RCAN2: variants seen among roughly 807,000 people sequenced by gnomAD.
RCAN2 encodes regulator of calcineurin 2.
In RCAN2, 9 loss-of-function variants were observed where a neutral mutation model predicts 23.6. That is an observed-to-expected ratio of 0.38 (90% CI 0.23 to 0.67). RCAN2 has a LOEUF of 0.67. RCAN2 is among the 30% of genes least tolerant of loss of function. The probability of loss-of-function intolerance (pLI) is 0.51; values close to 1 mark genes in which losing one functional copy is unlikely to be tolerated. For synonymous variants in RCAN2, 109 were observed against 115.7 expected, an observed-to-expected ratio of 0.94 and a Z score of 0.37; for missense variants, 273 against 302.3, an observed-to-expected ratio of 0.90 and a Z score of 0.72.
chr6:46,480,578 C>T (rs1768833240), intron 1 of RCAN2, among the ~76,000 whole-genome samples: 1 of 152,082 alleles, frequency 6.6e-6, no homozygotes, highest in African/African-American at 2.4e-5. Context: ...AAAAAAGAAA[C>T]CTATTCACCC....
chr6:46,298,575 C>T (rs190551280), intron 2 of RCAN2, among the ~76,000 whole-genome samples: 24 of 152,206 alleles, frequency 1.6e-4, no homozygotes, highest in African/African-American at 5.5e-4. Context: ...TTCTCCCTCA[C>T]TTTGGTAGAT....
intron 2 of RCAN2, among the ~76,000 whole-genome samples, chr6:46,429,832 G>A (rs1000625503): frequency 1.3e-5 from 2 of 152,204 alleles, no homozygotes; most frequent in African/African-American, 4.8e-5. Flanking sequence ...AGGAACTAAC[G>A]AGGTCTTGCA....
At chr6:46,351,071 A>G (rs562515742) in intron 2 of RCAN2, among the ~76,000 whole-genome samples, 1 of 152,344 alleles carries the variant, frequency 6.6e-6, no homozygotes, top group Non-Finnish European at 1.5e-5. Flanking sequence ...TAGTCTAGCT[A>G]TTATCATTAT....
intron 2 of RCAN2, among the ~76,000 whole-genome samples, chr6:46,313,330 G>A (rs1763325485): frequency 6.6e-6 from 1 of 152,140 alleles, no homozygotes; most frequent in African/African-American, 2.4e-5. Flanking sequence ...ACTCACTGAG[G>A]GCAGGAGGCA....
At chr6:46,231,078 T>C (rs1299553708) in intron 4 of RCAN2, among the ~76,000 whole-genome samples, 1 of 152,206 alleles carries the variant, frequency 6.6e-6, no homozygotes, top group East Asian at 1.9e-4. Flanking sequence ...TAACCTCTAG[T>C]AGCTGTGAAA....
chr6:46,361,217 A>C (rs1765002984), intron 2 of RCAN2, among the ~76,000 whole-genome samples: 1 of 152,170 alleles, frequency 6.6e-6, no homozygotes, highest in African/African-American at 2.4e-5. Context: ...TCCTGGGGGA[A>C]GGGTGAGAGA....
At chr6:46,432,321 C>T (rs1767234083) in intron 2 of RCAN2, among the ~76,000 whole-genome samples, 1 of 152,094 alleles carries the variant, frequency 6.6e-6, no homozygotes, top group African/African-American at 2.4e-5. Context: ...TCAAGCAATT[C>T]TCTTGCCTCA....
At chr6:46,373,480 C>T (rs1765375467) in intron 2 of RCAN2, among the ~76,000 whole-genome samples, 2 of 152,232 alleles carry the variant, frequency 1.3e-5, no homozygotes, top group Admixed American at 1.3e-4. Context: ...TGGTCTCAAA[C>T]TCCTGGGCAC....
chr6:46,247,279 A>G (rs1039545680), intron 3 of RCAN2, among the ~76,000 whole-genome samples: 1 of 152,078 alleles, frequency 6.6e-6, no homozygotes, highest in African/African-American at 2.4e-5. Flanking sequence ...CCCACCACGC[A>G]CCTGCCAAAT....
At chr6:46,282,351 C>G (rs1370807241) in intron 2 of RCAN2, among the ~76,000 whole-genome samples, 2 of 151,532 alleles carry the variant, frequency 1.3e-5, no homozygotes, top group Non-Finnish European at 2.9e-5. Flanking sequence ...CGAGACCATC[C>G]TGGCTAACAC....
At position 46,261,676 on chromosome 6, in the gene RCAN2, A is replaced by G. The variant is rs578243304; in HGVS notation, c.226-12780T>C. Among the ~76,000 whole-genome samples, 9 of 152,316 alleles carry G rather than the reference A, an allele frequency of 5.9e-5. 1 individual carries two copies. In the East Asian group the frequency reaches 1.5e-3, roughly 26 times the overall value. On this transcript the variant is annotated intron_variant, in intron 2 of 4. Coordinates refer to ENST00000371374, the MANE Select transcript of RCAN2 (RefSeq NM_001251974.2). The stretch of plus-strand genomic sequence containing the variant: ...TATATAATCTTCAAAGATTGTAAAG[A>G]CCAATTATAGGAATGTCAGCAAAAT...
intron 2 of RCAN2, among the ~76,000 whole-genome samples, chr6:46,266,389 AT>A (rs1199429018): frequency 2.6e-5 from 4 of 152,096 alleles, no homozygotes; most frequent in African/African-American, 9.7e-5. Context: ...CACGTTCTTT[AT>A]TTTGACTGAG....
At chr6:46,224,429 T>G (rs192224271) in intron 4 of RCAN2, among the ~76,000 whole-genome samples, 9 of 152,356 alleles carry the variant, frequency 5.9e-5, no homozygotes, top group African/African-American at 1.2e-4. Flanking sequence ...CAGAAGACCC[T>G]GCGTAATCTC....
At position 46,225,130 on chromosome 6, in the gene RCAN2, G is replaced by C. The variant is rs975336906; in HGVS notation, c.572-1829C>G. Among the ~76,000 whole-genome samples, 140 of 152,164 alleles carry C rather than the reference G, an allele frequency of 9.2e-4. 1 individual carries two copies. Among genetic ancestry groups the C allele is most frequent in the African/African-American group, 3.3e-3 (135 of 41,436 alleles). ...CATGAACTCATCCTTTTTTATGGCT[G>C]CATAGTATTCCATGGTGCATATGTG... On this transcript the variant is annotated intron_variant, in intron 4 of 4. Coordinates refer to ENST00000371374, the MANE Select transcript of RCAN2 (RefSeq NM_001251974.2).
intron 2 of RCAN2, among the ~76,000 whole-genome samples, chr6:46,397,261 C>T (rs1356772616): frequency 6.6e-6 from 1 of 151,828 alleles, no homozygotes; most frequent in East Asian, 1.9e-4. Flanking sequence ...GTGGTAACTA[C>T]AAAGGGGGGT....
chr6:46,391,310 A>C (rs141762597), intron 2 of RCAN2, among the ~76,000 whole-genome samples: 1 of 152,314 alleles, frequency 6.6e-6, no homozygotes, highest in South Asian at 2.1e-4. Flanking sequence ...GAAGATTGAG[A>C]TCATGAAAGC....
At position 46,406,667 on chromosome 6, in the gene RCAN2, G is replaced by T. The variant is rs910369137; in HGVS notation, c.225+50085C>A. Among the ~76,000 whole-genome samples, 7 of 152,148 alleles carry T rather than the reference G, an allele frequency of 4.6e-5. No individual in the cohort carries two copies. In the South Asian group the frequency reaches 1.5e-3, roughly 32 times the overall value. ...AACAGGTTTCAATGTTCTTCTTTTA[G>T]AAAAGCCTTTGCTTTACCATAAATT... On this transcript the variant is annotated intron_variant, in intron 2 of 4. Coordinates refer to ENST00000371374, the MANE Select transcript of RCAN2 (RefSeq NM_001251974.2).
intron 2 of RCAN2, among the ~76,000 whole-genome samples, chr6:46,375,125 A>G (rs9766804): frequency 0.02 from 3,114 of 152,246 alleles, 61 homozygotes; most frequent in South Asian, 0.12. Context: ...CTGTATGTTT[A>G]GTAGAGACGG....
At chr6:46,402,866 A>G (rs1766292129) in intron 2 of RCAN2, among the ~76,000 whole-genome samples, 1 of 152,280 alleles carries the variant, frequency 6.6e-6, no homozygotes, top group Non-Finnish European at 1.5e-5. Flanking sequence ...CTTTCTCTCC[A>G]ATTAATCTGC....
Sources: allele counts gnomAD v4.1 joint callset (sites outside exome capture counted in the v4.1 genomes callset), GRCh38; gene constraint gnomAD v4.1.1; transcripts MANE v1.5; gene names NCBI Gene and HGNC (gene_info 2026-07-23, HGNC 2026-07-21).